Variants in ADAM17 observed in about 807,000 individuals in gnomAD.
ADAM17 encodes the protein disintegrin and metalloproteinase domain-containing protein 17.
A neutral mutation model predicts 96.7 loss-of-function variants in ADAM17; 39 were observed. That is an observed-to-expected ratio of 0.40 (90% CI 0.31 to 0.53). The LOEUF (loss-of-function observed/expected upper bound fraction) is 0.53, where lower values mean the gene tolerates loss of function less well. Ranked by LOEUF, ADAM17 falls within the 20% of genes least tolerant of loss-of-function variation. The probability of loss-of-function intolerance (pLI) is 0.44; values close to 1 mark genes in which losing one functional copy is unlikely to be tolerated. For synonymous variants in ADAM17, 344 were observed against 359.2 expected (o/e 0.96, Z 0.48); for missense variants, 777 against 1,013.2 (o/e 0.77, Z 3.17).
rs5829218 is a variant in ADAM17, at chr2:9,489,814, T to TA, written c.*362dup. ...ATATTCAGCGGTTCATTACAGTGTA[T>TA]AAAAAAAAACTGATCATTTCCCTAG... is the stretch of plus-strand genomic sequence containing the variant. On this transcript the variant is annotated 3_prime_UTR_variant, in exon 19 of 19. Coordinates refer to ENST00000310823, the MANE Select transcript of ADAM17 (RefSeq NM_003183.6). 0.51 allele frequency: 79,626 copies of TA among 156,120 alleles called. 21,185 individuals carry two copies. The highest frequency in any genetic ancestry group is 0.64 in the Middle Eastern group (197 of 308). The allele number at this position is 156,120 out of a possible 1,614,324, so 9.7% of individuals were successfully genotyped here. A position where few individuals can be genotyped will look rare whatever the true frequency, so the allele number is the denominator to read the frequency against.
At chr2:9,499,269 T>G (rs1198148130) in intron 13 of ADAM17, among the ~76,000 whole-genome samples, 2 of 152,156 alleles carry the variant, frequency 1.3e-5, no homozygotes, top group Non-Finnish European at 2.9e-5. Flanking sequence ...TTTCAAATTG[T>G]TTTACTTACG....
intron 5 of ADAM17, among the ~76,000 whole-genome samples, chr2:9,527,061 G>A (rs529648703): frequency 8.5e-5 from 13 of 152,128 alleles, no homozygotes; most frequent in South Asian, 4.2e-4. Flanking sequence ...GTTGGTGCAC[G>A]CCTGTAATCC....
At chr2:9,522,324 A>G (rs1664349378) in intron 7 of ADAM17, 3 of 520,012 alleles carry the variant, frequency 5.8e-6, no homozygotes, top group African/African-American at 5.7e-5. Context: ...ATACATATGA[A>G]ACTAGTGACA....
intron 2 of ADAM17, among the ~76,000 whole-genome samples, chr2:9,541,359 T>G (rs1182484684): frequency 6.6e-6 from 1 of 152,146 alleles, no homozygotes; most frequent in Non-Finnish European, 1.5e-5. Context: ...GGTCAGGAGT[T>G]CAAGACCATC....
intron 10 of ADAM17, among the ~76,000 whole-genome samples, chr2:9,516,474 T>C (rs1664064139): frequency 6.6e-6 from 1 of 152,142 alleles, no homozygotes; most frequent in South Asian, 2.1e-4. Flanking sequence ...TATAACATCA[T>C]AGTCAAAAAA....
intron 8 of ADAM17, 58 bp downstream of exon 8, chr2:9,521,145 C>A: frequency 7.5e-7 from 1 of 1,336,098 alleles, no homozygotes; most frequent in South Asian, 1.2e-5. Context: ...CACATACAAT[C>A]CACATATCAG....
intron 10 of ADAM17, among the ~76,000 whole-genome samples, chr2:9,514,387 A>ATAGCAT (rs1663921197): frequency 6.9e-6 from 1 of 145,684 alleles, no homozygotes; most frequent in Non-Finnish European, 1.5e-5. Context: ...GGGGGAAGGG[A>ATAGCAT]TAGCATTAGG....
intron 4 of ADAM17, among the ~76,000 whole-genome samples, chr2:9,535,075 T>C (rs1221838583): frequency 1.3e-5 from 2 of 152,238 alleles, no homozygotes; most frequent in African/African-American, 4.8e-5. Context: ...CTAACAGTCA[T>C]GTAGATTGGA....
intron 8 of ADAM17, among the ~76,000 whole-genome samples, chr2:9,520,442 A>G (rs936889339): frequency 2.0e-5 from 3 of 152,214 alleles, no homozygotes; most frequent in Non-Finnish European, 4.4e-5. Context: ...ATTCCTGTAG[A>G]GAACTTTCAG....
chr2:9,500,082 A>C (rs1237283711), intron 13 of ADAM17, among the ~76,000 whole-genome samples: 1 of 108,380 alleles, frequency 9.2e-6, no homozygotes, highest in African/African-American at 3.2e-5. Flanking sequence ...TGTCCACACA[A>C]AAACTCATAG....
intron 6 of ADAM17, among the ~76,000 whole-genome samples, chr2:9,525,840 T>C (rs1664502422): frequency 6.6e-6 from 1 of 152,248 alleles, no homozygotes; most frequent in Admixed American, 6.5e-5. Flanking sequence ...AACTCACTTA[T>C]ATCAAGGAGG....
intron 10 of ADAM17, among the ~76,000 whole-genome samples, chr2:9,511,872 G>A (rs1300018829): frequency 6.6e-6 from 1 of 152,082 alleles, no homozygotes; most frequent in Non-Finnish European, 1.5e-5. Context: ...TTGGGAGGCT[G>A]AGCCAGAAGA....
intron 10 of ADAM17, among the ~76,000 whole-genome samples, chr2:9,510,364 TAAA>T (rs1422633009): frequency 6.6e-6 from 1 of 151,850 alleles, no homozygotes; most frequent in African/African-American, 2.4e-5. Flanking sequence ...ACAAAAATAA[TAAA>T]AAATATTAAC....
chr2:9,543,377 T>C, intron 1 of ADAM17, 92 bp from the exon 2 acceptor site: 1 of 1,184,806 alleles, frequency 8.4e-7, no homozygotes, highest in Non-Finnish European at 1.1e-6. Context: ...AAATCTTTCC[T>C]GATGTAATCC....
At chr2:9,496,862 C>T (rs1212962313) in intron 14 of ADAM17, among the ~76,000 whole-genome samples, 1 of 152,194 alleles carries the variant, frequency 6.6e-6, no homozygotes, top group African/African-American at 2.4e-5. Flanking sequence ...CCTCCTCTCC[C>T]ACCTCAAAGC....
At chr2:9,496,334 T>G (rs1404850233) in intron 14 of ADAM17, 1 of 151,838 alleles carries the variant, frequency 6.6e-6, no homozygotes, top group East Asian at 2.0e-4. Context: ...TTTGCCATGT[T>G]GACCAAGCTG....
chr2:9,537,670 T>G (rs1452367051), intron 2 of ADAM17, among the ~76,000 whole-genome samples: 1 of 151,174 alleles, frequency 6.6e-6, no homozygotes, highest in Non-Finnish European at 1.5e-5. Context: ...AGGCGGAGCC[T>G]GCTGTGAGCC....
chr2:9,505,970 C>T (rs1663362203), intron 11 of ADAM17, among the ~76,000 whole-genome samples: 1 of 152,142 alleles, frequency 6.6e-6, no homozygotes, highest in Non-Finnish European at 1.5e-5. Context: ...AGACCAGTGT[C>T]TCAAAAAGTC....
At chr2:9,553,675 CAAAA>C (rs34545244) in intron 1 of ADAM17, among the ~76,000 whole-genome samples, 5 of 118,306 alleles carry the variant, frequency 4.2e-5, no homozygotes, top group Non-Finnish European at 6.8e-5. Context: ...AACACTGCCT[CAAAA>C]AAAAAAAAAA....
Sources: allele counts gnomAD v4.1 joint callset (sites outside exome capture counted in the v4.1 genomes callset), GRCh38; gene constraint gnomAD v4.1.1; transcripts MANE v1.5; gene names NCBI Gene and HGNC (gene_info 2026-07-23, HGNC 2026-07-21).